The following EPB41L5 variants were observed in gnomAD, a reference collection of about 807,000 sequenced individuals.
EPB41L5 encodes the protein band 4.1-like protein 5.
Under a neutral mutation model 106.6 loss-of-function variants are expected in EPB41L5, and 55 were observed. That is an observed-to-expected ratio of 0.52 (90% confidence interval 0.42 to 0.65). The LOEUF (loss-of-function observed/expected upper bound fraction) is 0.65. EPB41L5 is among the 30% of genes least tolerant of loss of function. The pLI is 0.00. For synonymous variants in EPB41L5, 297 were observed against 306.7 expected (o/e 0.97, Z 0.33); for missense variants, 871 against 882.1 (o/e 0.99, Z 0.16).
chr2:120,142,027 T>C (rs996289313), intron 18 of EPB41L5, among the ~76,000 whole-genome samples: 6 of 151,744 alleles, frequency 4.0e-5, no homozygotes, highest in African/African-American at 1.5e-4. Context: ...CTTCCAACTT[T>C]GAGATGCCGT....
At chr2:120,059,412 A>G (rs898318418) in intron 3 of EPB41L5, among the ~76,000 whole-genome samples, 6 of 152,212 alleles carry the variant, frequency 3.9e-5, no homozygotes, top group Non-Finnish European at 8.8e-5. Flanking sequence ...TGTGGGACCT[A>G]GAGTTTAGAG....
At chr2:120,025,809 T>G (rs924179066) in intron 2 of EPB41L5, among the ~76,000 whole-genome samples, 1 of 152,124 alleles carries the variant, frequency 6.6e-6, no homozygotes. Flanking sequence ...CTTAAGATAT[T>G]GTAAGGAACT....
At chr2:120,120,365 G>T (rs1436759791) in intron 16 of EPB41L5, among the ~76,000 whole-genome samples, 2 of 147,300 alleles carry the variant, frequency 1.4e-5, no homozygotes, top group Admixed American at 1.4e-4. Context: ...TCAGGAGGCA[G>T]AGGTTGCAGT....
At chr2:120,099,833 A>G (rs1421931562) in intron 14 of EPB41L5, among the ~76,000 whole-genome samples, 1 of 152,222 alleles carries the variant, frequency 6.6e-6, no homozygotes, top group Non-Finnish European at 1.5e-5. Context: ...TTGAGTTATA[A>G]AACGCTGAGT....
At chr2:120,161,164 G>A (rs1687126890) in intron 21 of EPB41L5, among the ~76,000 whole-genome samples, 190 bp downstream of exon 21, 2 of 151,592 alleles carry the variant, frequency 1.3e-5, no homozygotes, top group Non-Finnish European at 2.9e-5. Context: ...GACCACTTGA[G>A]CTCAGGAGTT....
At chr2:120,039,844 AAAAG>A (rs1465264297) in intron 2 of EPB41L5, among the ~76,000 whole-genome samples, 1 of 151,602 alleles carries the variant, frequency 6.6e-6, no homozygotes, top group Admixed American at 6.6e-5. Context: ...AAAAAAAAAA[AAAAG>A]AAGAAAGTAA....
chr2:120,130,528 A>T (rs1200384726), intron 17 of EPB41L5, among the ~76,000 whole-genome samples: 1 of 152,210 alleles, frequency 6.6e-6, no homozygotes, highest in African/African-American at 2.4e-5. Context: ...CAACAAAAAG[A>T]GTATTCAGGA....
At chr2:120,090,302 G>A (rs370217937) in intron 11 of EPB41L5, 45 bp from the exon 12 acceptor site, 16 of 1,490,738 alleles carry the variant, frequency 1.1e-5, no homozygotes, top group Non-Finnish European at 1.4e-5. Flanking sequence ...AGATAGGACT[G>A]TTTGAATTAG....
At chr2:120,141,651 GC>G (rs767601432) in intron 18 of EPB41L5, among the ~76,000 whole-genome samples, 2 of 152,108 alleles carry the variant, frequency 1.3e-5, no homozygotes, top group African/African-American at 2.4e-5. Flanking sequence ...TAGAAAAGTG[GC>G]AGTTTGAGAA....
At chr2:120,056,229 A>T (rs910292800) in intron 3 of EPB41L5, among the ~76,000 whole-genome samples, 9 of 147,692 alleles carry the variant, frequency 6.1e-5, no homozygotes, top group African/African-American at 2.2e-4. Flanking sequence ...ATGGTATGTT[A>T]TGTTGATTTT....
chr2:120,136,056 A>G (rs1685910820), intron 18 of EPB41L5, among the ~76,000 whole-genome samples: 1 of 151,716 alleles, frequency 6.6e-6, no homozygotes, highest in Non-Finnish European at 1.5e-5. Flanking sequence ...ATAGTAAGCC[A>G]TAAATAGAAA....
intron 20 of EPB41L5, among the ~76,000 whole-genome samples, chr2:120,149,147 T>G (rs1686552256): frequency 6.6e-6 from 1 of 151,856 alleles, no homozygotes; most frequent in African/African-American, 2.4e-5. Flanking sequence ...GTATGTCTAT[T>G]TGGAGAAATG....
intron 18 of EPB41L5, among the ~76,000 whole-genome samples, chr2:120,139,963 C>T (rs957992351): frequency 1.3e-5 from 2 of 151,996 alleles, no homozygotes; most frequent in African/African-American, 4.8e-5. Context: ...GGTACATATA[C>T]ACAATGAAGT....
intron 1 of EPB41L5, chr2:120,013,581 G>A (rs996911090): frequency 3.9e-5 from 6 of 152,222 alleles, no homozygotes; most frequent in Non-Finnish European, 7.3e-5. Context: ...AGTCGCAAGG[G>A]AAGGGGAAAA....
At chr2:120,114,559 A>G (rs939185697) in intron 16 of EPB41L5, among the ~76,000 whole-genome samples, 1 of 152,186 alleles carries the variant, frequency 6.6e-6, no homozygotes, top group African/African-American at 2.4e-5. Context: ...ATATAACCCC[A>G]TCATCAGTTG....
intron 2 of EPB41L5, among the ~76,000 whole-genome samples, chr2:120,033,815 C>T (rs917412161): frequency 6.6e-6 from 1 of 151,960 alleles, no homozygotes; most frequent in African/African-American, 2.4e-5. Flanking sequence ...CATTGTTGCC[C>T]AGGTGTGATG....
chr2:120,030,086 G>T (rs557838286), intron 2 of EPB41L5, among the ~76,000 whole-genome samples: 55 of 152,336 alleles, frequency 3.6e-4, no homozygotes, highest in African/African-American at 1.3e-3. Context: ...TGCTTCTAAC[G>T]TTTAAGCTGT....
At chr2:120,142,895 C>A in intron 18 of EPB41L5, 108 bp from the exon 19 acceptor site, 1 of 964,054 alleles carries the variant, frequency 1.0e-6, no homozygotes, top group Non-Finnish European at 1.6e-6. Flanking sequence ...CTGCTTAAGA[C>A]ACATGATTTC....
intron 3 of EPB41L5, among the ~76,000 whole-genome samples, chr2:120,062,264 T>G (rs750571276): frequency 1.3e-5 from 2 of 152,172 alleles, no homozygotes; most frequent in Non-Finnish European, 2.9e-5. Context: ...AATAACATGT[T>G]AAATGTATAT....
Sources: allele counts gnomAD v4.1 joint callset (sites outside exome capture counted in the v4.1 genomes callset), GRCh38; gene constraint gnomAD v4.1.1; transcripts MANE v1.5; gene names NCBI Gene and HGNC (gene_info 2026-07-23, HGNC 2026-07-21).